The following SPN variants were observed in gnomAD, a reference collection of about 807,000 sequenced individuals.
The protein encoded by SPN is sialophorin, also known as leukosialin.
A neutral mutation model predicts 8.4 loss-of-function variants in SPN; 6 were observed. That is an observed-to-expected ratio of 0.72 (90% CI 0.39 to 1.42). The LOEUF (loss-of-function observed/expected upper bound fraction) is 1.42, where lower values mean the gene tolerates loss of function less well. Ranked by LOEUF, SPN falls within the 40% of genes most tolerant of loss-of-function variation. The pLI, the probability that SPN is intolerant of heterozygous loss-of-function variation, is 0.02. For synonymous variants in SPN, 201 were observed against 222.6 expected, an observed-to-expected ratio of 0.90 and a Z score of 0.86; for missense variants, 517 against 530.6, an observed-to-expected ratio of 0.97 and a Z score of 0.25.
rs766361507 is a variant in SPN, at chr16:29,664,694, C to T, written c.966C>T (p.Ser322=). 8.1e-6 allele frequency: 12 copies of T among 1,488,098 alleles called. No homozygotes were observed. The highest frequency in any genetic ancestry group is 2.7e-5 in the Admixed American group (1 of 37,522). 92.2% of individuals were successfully genotyped at this position (1,488,098 alleles called of 1,614,324 possible). A position where few individuals can be genotyped will look rare whatever the true frequency, so the allele number is the denominator to read the frequency against. Residue 322 remains serine (S), a synonymous_variant, in exon 2 of 2, where the codon TCC becomes TCT. Transcript: ENST00000652691. The surrounding 1 kb of genome is among the most constrained non-coding windows in gnomAD (Gnocchi z 6.4). ...EGAVTVTVGG[S]GGDKGSGFPD... is the part of the protein sequence containing the mutation. ...CCGTGACAGTGACCGTGGGAGGGTC[C>T]GGGGGCGACAAGGGCTCTGGGTTCC...
In SPN at chr16:29,666,849, G is replaced by A; in HGVS notation, c.*1918G>A. The A allele has an allele frequency of 2.1e-6, 1 of 469,040 alleles. No homozygotes were observed. The highest frequency in any genetic ancestry group is 1.6e-5 in the South Asian group (1 of 64,314). 29.1% of individuals were successfully genotyped at this position (469,040 alleles called of 1,614,324 possible). On this transcript the variant is annotated 3_prime_UTR_variant, in exon 2 of 2. Coordinates refer to ENST00000652691, the MANE Select transcript of SPN (RefSeq NM_003123.6). ...AGGCTACAGCCCAGGAGCACACATG[G>A]GCCAGGGCAGTTGGTATTTCCCGAG... is the stretch of plus-strand genomic sequence containing the variant.
At position 29,667,106 on chromosome 16, in the gene SPN, T is replaced by G. The variant is rs1596773468; in HGVS notation, c.*2175T>G. On this transcript the variant is annotated 3_prime_UTR_variant, in exon 2 of 2. Transcript: ENST00000652691. The stretch of plus-strand genomic sequence containing the variant: ...GGCTTGCTTAGTGGGTGGGAAGAGC[T>G]GAGCTCGGATGGAACCAGCTTCTAC... 6.6e-6 allele frequency: 3 copies of G among 452,650 alleles called. No individual in the cohort carries two copies. In the East Asian group the frequency reaches 2.1e-4, roughly 32 times the overall value. 28.0% of individuals were successfully genotyped at this position (452,650 alleles called of 1,614,324 possible).
rs1050438260 is a variant in SPN at position 29,667,311 on chromosome 16, C to T, written c.*2380C>T. 3.9e-5 allele frequency: 10 copies of T among 257,480 alleles called. No homozygotes were observed. Among genetic ancestry groups the T allele is most frequent in the Non-Finnish European group, 6.9e-5 (8 of 116,518 alleles). The allele number at this position is 257,480 out of a possible 1,614,324, so 15.9% of individuals were successfully genotyped here. ...TTAGAAAATACTGTCACCGAACGAACGTCGCTGTCCTCAGCTCCACCTCCC... is the reference window on the plus strand; with the variant it reads ...TTAGAAAATACTGTCACCGAACGAATGTCGCTGTCCTCAGCTCCACCTCCC... On this transcript the variant is annotated 3_prime_UTR_variant, in exon 2 of 2. Coordinates refer to ENST00000652691, the MANE Select transcript of SPN (RefSeq NM_003123.6).
In SPN at chr16:29,664,726, G is replaced by T. The variant is rs1333728647; in HGVS notation, c.998G>T (p.Gly333Val). Residue 333 changes from glycine (G) to valine (V), a missense_variant, in exon 2 of 2, where the codon GGG (glycine) becomes GTG (valine). By Grantham distance (109) the Gly-to-Val change is moderately radical. Coordinates refer to ENST00000652691, the MANE Select transcript of SPN (RefSeq NM_003123.6). This position sits in a 1 kb window ranked among gnomAD's most constrained non-coding sequence, Gnocchi z 6.4. ...GGDKGSGFPDGEGSSRRPTLT... is the reference protein window; with the variant it reads ...GGDKGSGFPDVEGSSRRPTLT... ...GACAAGGGCTCTGGGTTCCCCGATG[G>T]GGAGGGGTCTAGCCGTCGGCCCACG... is the stretch of plus-strand genomic sequence containing the variant. 2.0e-6 allele frequency: 3 copies of T among 1,480,684 alleles called. No homozygotes were observed. Among genetic ancestry groups the T allele is most frequent in the Middle Eastern group, 1.8e-4 (1 of 5,582 alleles). The allele number at this position is 1,480,684 out of a possible 1,614,324, so 91.7% of individuals were successfully genotyped here.
In SPN at chr16:29,670,795, G is replaced by A. The variant is rs1966850307; in HGVS notation, c.*5864G>A. 1 of 455,488 alleles carries A rather than the reference G, an allele frequency of 2.2e-6. No individual in the cohort carries two copies. The highest frequency in any genetic ancestry group is 2.0e-5 in the African/African-American group (1 of 49,996). 28.2% of individuals were successfully genotyped at this position (455,488 alleles called of 1,614,324 possible). A position where few individuals can be genotyped will look rare whatever the true frequency, so the allele number is the denominator to read the frequency against. ...GATCTCCAAAGTGGTGAGTTTATGT[G>A]TGATTTTTATTTTGTTTATGCTCTT... On this transcript the variant is annotated 3_prime_UTR_variant, in exon 2 of 2. Transcript: ENST00000652691.
chr16:29,664,509 CT>C lies in SPN; in HGVS notation c.783del (p.Val262TrpfsTer7). 6.2e-7 allele frequency: 1 copy of C among 1,614,202 alleles called. No homozygotes were observed. Among genetic ancestry groups the C allele is most frequent in the Middle Eastern group, 1.6e-4 (1 of 6,062 alleles). On this transcript the variant is annotated frameshift_variant, in exon 2 of 2. Coordinates refer to ENST00000652691, the MANE Select transcript of SPN (RefSeq NM_003123.6). LOFTEE classifies it high-confidence loss of function. This position sits in a 1 kb window ranked among gnomAD's most constrained non-coding sequence, Gnocchi z 6.4. The stretch of plus-strand genomic sequence containing the variant: ...ACGAGGCATGCTGCCAGTGGCTGTG[CT>C]TGTGGCCCTGCTGGCGGTCATAGTC... Reference protein sequence around the residue: ...NSRGMLPVAVLVALLAVIVLV... With the variant: ...NSRGMLPVAVXVALLAVIVLV...
At position 29,667,525 on chromosome 16, in the gene SPN, C is replaced by G. The variant is rs1277256400; in HGVS notation, c.*2594C>G. On this transcript the variant is annotated 3_prime_UTR_variant, in exon 2 of 2. Transcript: ENST00000652691. Reference sequence around the variant, plus strand: ...GGGTGCGGTGGCTCACGCCTGTAATCTCAGCACTTTGGGAGGCCAAGGTGG... The same window carrying G: ...GGGTGCGGTGGCTCACGCCTGTAATGTCAGCACTTTGGGAGGCCAAGGTGG... 6.1e-6 allele frequency: 1 copy of G among 165,064 alleles called. No homozygotes were observed. The highest frequency in any genetic ancestry group is 1.4e-5 in the Non-Finnish European group (1 of 69,100). The allele number at this position is 165,064 out of a possible 1,614,324, so 10.2% of individuals were successfully genotyped here. A position where few individuals can be genotyped will look rare whatever the true frequency, so the allele number is the denominator to read the frequency against.
In SPN at chr16:29,665,108, T is replaced by G. The variant is rs1448164539; in HGVS notation, c.*177T>G. ...TTTCGCTTTGTCGCCCAGGCTGGAGTGCAATGCACGATCTCAGTTCACTGC... is the reference window on the plus strand; with the variant it reads ...TTTCGCTTTGTCGCCCAGGCTGGAGGGCAATGCACGATCTCAGTTCACTGC... On this transcript the variant is annotated 3_prime_UTR_variant, in exon 2 of 2. Coordinates refer to ENST00000652691, the MANE Select transcript of SPN (RefSeq NM_003123.6). The G allele has an allele frequency of 9.1e-6, 6 of 659,152 alleles. No individual in the cohort carries two copies. Among genetic ancestry groups the G allele is most frequent in the Non-Finnish European group, 1.3e-5 (6 of 452,252 alleles). The allele number at this position is 659,152 out of a possible 1,614,324, so 40.8% of individuals were successfully genotyped here. A position where few individuals can be genotyped will look rare whatever the true frequency, so the allele number is the denominator to read the frequency against.
chr16:29,663,899 C>A lies in SPN; in HGVS notation c.171C>A (p.Ser57Arg), dbSNP rs1417631358. 1 of 1,613,978 alleles carries A rather than the reference C, an allele frequency of 6.2e-7. No homozygotes were observed. The highest frequency in any genetic ancestry group is 1.3e-5 in the African/African-American group (1 of 74,922). The change falls in exon 2 of 2, where the codon AGC becomes AGA. Residue 57 changes from serine (S) to arginine (R), a missense_variant. Transcript: ENST00000652691. This position sits in a 1 kb window ranked among gnomAD's most constrained non-coding sequence, Gnocchi z 4.3. ...TAACAAGTGACCCTAAGGCCGACAG[C>A]ACTGGGGACCAGACCTCAGCCCTAC... ...TSITSDPKADSTGDQTSALPP... is the reference protein window; with the variant it reads ...TSITSDPKADRTGDQTSALPP...
chr16:29,669,558 T>C lies in SPN; in HGVS notation c.*4627T>C, dbSNP rs955387274. ...CAAAGCAAAAGAAGCAGTGGATATTTTAAGACTAAAAAGGAAAACAAAAAA... is the reference window on the plus strand; with the variant it reads ...CAAAGCAAAAGAAGCAGTGGATATTCTAAGACTAAAAAGGAAAACAAAAAA... On this transcript the variant is annotated 3_prime_UTR_variant, in exon 2 of 2. Coordinates refer to ENST00000652691, the MANE Select transcript of SPN (RefSeq NM_003123.6). The C allele has an allele frequency of 1.2e-5, 2 of 165,326 alleles. No individual in the cohort carries two copies. Among genetic ancestry groups the C allele is most frequent in the African/African-American group, 2.4e-5 (1 of 41,228 alleles). 10.2% of individuals were successfully genotyped at this position (165,326 alleles called of 1,614,324 possible).
Position 29,664,014 on chromosome 16 carries a change from C to G in SPN, c.286C>G (p.Gln96Glu), listed in dbSNP as rs771140404. 2 of 1,613,970 alleles carry G rather than the reference C, an allele frequency of 1.2e-6. No homozygotes were observed. Among genetic ancestry groups the G allele is most frequent in the Non-Finnish European group, 1.7e-6 (2 of 1,180,020 alleles). Residue 96 changes from glutamine to glutamate, a missense_variant, in exon 2 of 2, where the codon CAG becomes GAG. Transcript: ENST00000652691. The surrounding 1 kb of genome is among the most constrained non-coding windows in gnomAD (Gnocchi z 6.4). The stretch of plus-strand genomic sequence containing the variant: ...CCCTTTACCTGAGCCAACAACCTAC[C>G]AGGAAGTTTCCATCAAGATGTCATC... ...GSPLPEPTTY[Q>E]EVSIKMSSVP...
rs1596770846 is a variant in SPN at position 29,664,507 on chromosome 16, T to C, written c.779T>C (p.Val260Ala). 2 of 1,614,204 alleles carry C rather than the reference T, an allele frequency of 1.2e-6. No homozygotes were observed. Among genetic ancestry groups the C allele is most frequent in the Non-Finnish European group, 8.5e-7 (1 of 1,180,036 alleles). ...ENSRGMLPVA[V>A]LVALLAVIVL... ...TCACGAGGCATGCTGCCAGTGGCTG[T>C]GCTTGTGGCCCTGCTGGCGGTCATA... Residue 260 changes from valine to alanine, a missense_variant, in exon 2 of 2, where the codon GTG (valine) becomes GCG (alanine). Physicochemically the swap from Val to Ala is moderately conservative, Grantham distance 64. Transcript: ENST00000652691. This position sits in a 1 kb window ranked among gnomAD's most constrained non-coding sequence, Gnocchi z 6.4.
In SPN at chr16:29,663,429, G is replaced by A; in HGVS notation, c.-35+113G>A. On this transcript the variant is annotated intron_variant, in intron 1 of 1. Coordinates refer to ENST00000652691, the MANE Select transcript of SPN (RefSeq NM_003123.6). This position sits in a 1 kb window ranked among gnomAD's most constrained non-coding sequence, Gnocchi z 4.3. Reference sequence around the variant, plus strand: ...GGAAGAGATTGGGAGCCATTGGGCTGCACAGGGTCAGGGAAGGCCAGGAGG... The same window carrying A: ...GGAAGAGATTGGGAGCCATTGGGCTACACAGGGTCAGGGAAGGCCAGGAGG... 5.7e-6 allele frequency: 2 copies of A among 348,738 alleles called. No homozygotes were observed. The highest frequency in any genetic ancestry group is 1.1e-5 in the Non-Finnish European group (2 of 190,390). The allele number at this position is 348,738 out of a possible 1,614,324, so 21.6% of individuals were successfully genotyped here. A position where few individuals can be genotyped will look rare whatever the true frequency, so the allele number is the denominator to read the frequency against.
chr16:29,665,471 C>G lies in SPN; in HGVS notation c.*540C>G, dbSNP rs1289831969. On this transcript the variant is annotated 3_prime_UTR_variant, in exon 2 of 2. Coordinates refer to ENST00000652691, the MANE Select transcript of SPN (RefSeq NM_003123.6). ...CCTGGGCAGGGCAGGGCTGGCACCT[C>G]TCAACGTCTGTGGACTGAATGAATA... 2 of 167,496 alleles carry G rather than the reference C, an allele frequency of 1.2e-5. No homozygotes were observed. The highest frequency in any genetic ancestry group is 2.9e-5 in the Non-Finnish European group (2 of 68,422). 10.4% of individuals were successfully genotyped at this position (167,496 alleles called of 1,614,324 possible).
At position 29,663,347 on chromosome 16, in the gene SPN, C is replaced by G. The variant is rs1023332405; in HGVS notation, c.-35+31C>G. On this transcript the variant is annotated intron_variant, in intron 1 of 1. Transcript: ENST00000652691. This position sits in a 1 kb window ranked among gnomAD's most constrained non-coding sequence, Gnocchi z 4.3. Reference sequence around the variant, plus strand: ...AGGGTGAGACTTGGTGGGGTAGGGGCCTCAGTGGGCCTGGGAATGTGCCTG... The same window carrying G: ...AGGGTGAGACTTGGTGGGGTAGGGGGCTCAGTGGGCCTGGGAATGTGCCTG... 3 of 173,870 alleles carry G rather than the reference C, an allele frequency of 1.7e-5. No individual in the cohort carries two copies. Among genetic ancestry groups the G allele is most frequent in the African/African-American group, 7.1e-5 (3 of 41,990 alleles). 10.8% of individuals were successfully genotyped at this position (173,870 alleles called of 1,614,324 possible).
In SPN at chr16:29,666,520, T is replaced by TCA. The variant is rs1402543215; in HGVS notation, c.*1590_*1591insAC. On this transcript the variant is annotated 3_prime_UTR_variant, in exon 2 of 2. Coordinates refer to ENST00000652691, the MANE Select transcript of SPN (RefSeq NM_003123.6). ...CATGTGCGCTCTCTCTCTCTCTCTC[T>TCA]CTCTCACACACACACACACACACAC... 161 of 133,476 alleles carry TCA rather than the reference T, an allele frequency of 1.2e-3. 3 individuals are homozygous for TCA. Among genetic ancestry groups the TCA allele is most frequent in the African/African-American group, 4.7e-3 (136 of 28,650 alleles). The allele number at this position is 133,476 out of a possible 1,614,324, so 8.3% of individuals were successfully genotyped here. A position where few individuals can be genotyped will look rare whatever the true frequency, so the allele number is the denominator to read the frequency against.
rs914647648 is a variant in SPN at position 29,664,799 on chromosome 16, G to T, written c.1071G>T (p.Ala357=). ...GRRKSRQGSL[A]MEELKSGSGP... is the part of the protein sequence containing the mutation. ...GGAAGTCTCGCCAGGGCTCCCTGGC[G>T]ATGGAGGAGCTGAAGTCTGGGTCAG... The change falls in exon 2 of 2, where the codon GCG becomes GCT. Residue 357 remains alanine (A), a synonymous_variant. Coordinates refer to ENST00000652691, the MANE Select transcript of SPN (RefSeq NM_003123.6). The surrounding 1 kb of genome is among the most constrained non-coding windows in gnomAD (Gnocchi z 6.4). The T allele has an allele frequency of 6.6e-7, 1 of 1,504,546 alleles. No homozygotes were observed. Among genetic ancestry groups the T allele is most frequent in the East Asian group, 2.3e-5 (1 of 43,182 alleles). 93.2% of individuals were successfully genotyped at this position (1,504,546 alleles called of 1,614,324 possible). A position where few individuals can be genotyped will look rare whatever the true frequency, so the allele number is the denominator to read the frequency against.
chr16:29,663,906 G>T lies in SPN; in HGVS notation c.178G>T (p.Asp60Tyr). 6.2e-7 allele frequency: 1 copy of T among 1,614,098 alleles called. No individual in the cohort carries two copies. The highest frequency in any genetic ancestry group is 8.5e-7 in the Non-Finnish European group (1 of 1,180,020). Residue 60 changes from aspartate to tyrosine, a missense_variant, in exon 2 of 2, where the codon GAC becomes TAC. Coordinates refer to ENST00000652691, the MANE Select transcript of SPN (RefSeq NM_003123.6). The surrounding 1 kb of genome is among the most constrained non-coding windows in gnomAD (Gnocchi z 4.3). ...TSDPKADSTG[D>Y]QTSALPPSTS... The stretch of plus-strand genomic sequence containing the variant: ...TGACCCTAAGGCCGACAGCACTGGG[G>T]ACCAGACCTCAGCCCTACCTCCCTC...
chr16:29,664,174 C>A lies in SPN; in HGVS notation c.446C>A (p.Ala149Asp). The A allele has an allele frequency of 6.2e-7, 1 of 1,613,952 alleles. No homozygotes were observed. The highest frequency in any genetic ancestry group is 8.5e-7 in the Non-Finnish European group (1 of 1,179,976). ...SPETSSRTSG[A>D]PVTTAASSLE... The stretch of plus-strand genomic sequence containing the variant: ...GAAACCTCCAGTAGGACCAGTGGAG[C>A]CCCTGTTACCACGGCAGCTAGCTCT... Residue 149 changes from alanine (A) to aspartate (D), a missense_variant, in exon 2 of 2, where the codon GCC (alanine) becomes GAC (aspartate). Transcript: ENST00000652691. This position sits in a 1 kb window ranked among gnomAD's most constrained non-coding sequence, Gnocchi z 6.4.
Sources: gnomAD v4.1 joint callset for allele counts on GRCh38, gnomAD v4.1.1 for gene constraint, Gnocchi (gnomAD v3.1) non-coding constraint, MANE v1.5 for transcripts, NCBI Gene and HGNC (gene_info 2026-07-23, HGNC 2026-07-21) for gene names.